Variants in SLC24A3 observed in about 807,000 individuals in gnomAD.
The protein encoded by SLC24A3 is sodium/potassium/calcium exchanger 3.
A neutral mutation model predicts 75.8 loss-of-function variants in SLC24A3; 28 were observed. The observed-to-expected ratio is 0.37, with a 90% confidence interval of 0.27 to 0.51. SLC24A3 has a LOEUF of 0.51. SLC24A3 is among the 20% of genes least tolerant of loss of function. The probability of loss-of-function intolerance (pLI) is 0.94; values close to 1 mark genes in which losing one functional copy is unlikely to be tolerated. For synonymous variants in SLC24A3, 372 were observed against 334.1 expected (o/e 1.11, Z -1.24); for missense variants, 663 against 847.8 (o/e 0.78, Z 2.71).
At chr20:19,492,086 A>G (rs543498393) in intron 2 of SLC24A3, among the ~76,000 whole-genome samples, 1 of 152,318 alleles carries the variant, frequency 6.6e-6, no homozygotes, top group East Asian at 1.9e-4. Context: ...GCAGATACCC[A>G]GGTTGTTCAC....
chr20:19,277,599 G>GT (rs1338965873), intron 1 of SLC24A3, among the ~76,000 whole-genome samples: 53 of 152,116 alleles, frequency 3.5e-4, no homozygotes, highest in African/African-American at 1.1e-3. Flanking sequence ...TCAGACTCTG[G>GT]TCTCTGTGTT....
At chr20:19,309,894 C>T (rs1259787057) in intron 2 of SLC24A3, among the ~76,000 whole-genome samples, 1 of 152,178 alleles carries the variant, frequency 6.6e-6, no homozygotes, top group East Asian at 1.9e-4. Context: ...TCCAAGCTTT[C>T]ACGCCCCAGG....
Position 19,479,113 on chromosome 20 carries a change from C to G in SLC24A3, c.272-36375C>G, listed in dbSNP as rs544979315. On this transcript the variant is annotated intron_variant, in intron 2 of 16. Coordinates refer to ENST00000328041, the MANE Select transcript of SLC24A3 (RefSeq NM_020689.4). Reference sequence around the variant, plus strand: ...GGCCCATGCCATGCTCAGTGACTGACTACCCCTAAGTTGAAAGATCAGTGC... The same window carrying G: ...GGCCCATGCCATGCTCAGTGACTGAGTACCCCTAAGTTGAAAGATCAGTGC... 2.9e-4 allele frequency among the ~76,000 whole-genome samples: 44 copies of G among 152,336 alleles called. No individual in the cohort carries two copies. The South Asian group carries it at 5.4e-3, about 19-fold the overall frequency.
intron 2 of SLC24A3, among the ~76,000 whole-genome samples, chr20:19,294,567 A>G (rs1248767378): frequency 1.3e-5 from 2 of 152,150 alleles, no homozygotes; most frequent in African/African-American, 2.4e-5. Flanking sequence ...TTTTCTGAGG[A>G]TAATGGCTTC....
intron 2 of SLC24A3, among the ~76,000 whole-genome samples, chr20:19,472,753 C>T (rs78494663): frequency 0.028 from 4,222 of 152,246 alleles, 213 homozygotes; most frequent in African/African-American, 0.094. Context: ...TCCCCACTAC[C>T]GTTGCCTGAA....
intron 6 of SLC24A3, among the ~76,000 whole-genome samples, chr20:19,599,091 T>C (rs867029468): frequency 6.6e-6 from 1 of 152,322 alleles, no homozygotes; most frequent in South Asian, 2.1e-4. Context: ...TTCTTCTTTC[T>C]TCATTGTACA....
intron 2 of SLC24A3, among the ~76,000 whole-genome samples, chr20:19,306,518 G>A (rs1027584524): frequency 6.6e-6 from 1 of 152,148 alleles, no homozygotes; most frequent in African/African-American, 2.4e-5. Flanking sequence ...TATTACACAG[G>A]CATAAAAAAG....
chr20:19,299,927 G>A (rs564617339), intron 2 of SLC24A3, among the ~76,000 whole-genome samples: 3 of 152,306 alleles, frequency 2.0e-5, no homozygotes, highest in South Asian at 4.1e-4. Flanking sequence ...AGCCAGGAAC[G>A]CTGTGGCCCT....
chr20:19,664,921 G>C (rs1044914927), intron 7 of SLC24A3, among the ~76,000 whole-genome samples: 2 of 152,160 alleles, frequency 1.3e-5, no homozygotes, highest in Non-Finnish European at 2.9e-5. Context: ...CTGAGTTCTC[G>C]AGCCAATTCT....
At chr20:19,579,940 GTTCATCTTCCTGGC>G (rs2031195495) in intron 3 of SLC24A3, 46 bp from the exon 4 acceptor site, 1 of 1,305,256 alleles carries the variant, frequency 7.7e-7, no homozygotes, top group Admixed American at 1.8e-5. Context: ...GTGGCTGGAC[GTTCATCTTCCTGGC>G]TCTGCCTCAC....
intron 2 of SLC24A3, among the ~76,000 whole-genome samples, chr20:19,381,707 C>T (rs543383209): frequency 6.6e-5 from 10 of 152,196 alleles, no homozygotes; most frequent in Admixed American, 1.3e-4. Flanking sequence ...TTATTCCAAC[C>T]TCCCAACTAC....
intron 6 of SLC24A3, among the ~76,000 whole-genome samples, chr20:19,642,892 C>T (rs1685349228): frequency 6.6e-6 from 1 of 152,170 alleles, no homozygotes. Context: ...TGATGTGGTA[C>T]TTTGTTTTAA....
intron 2 of SLC24A3, among the ~76,000 whole-genome samples, chr20:19,416,012 C>G (rs890710633): frequency 6.6e-6 from 1 of 152,158 alleles, no homozygotes; most frequent in Non-Finnish European, 1.5e-5. Context: ...TGCTTATTAG[C>G]TCTGTAAGTT....
intron 2 of SLC24A3, among the ~76,000 whole-genome samples, chr20:19,289,965 C>T (rs982137892): frequency 6.6e-6 from 1 of 152,164 alleles, no homozygotes; most frequent in Non-Finnish European, 1.5e-5. Flanking sequence ...TGTGTGTGGT[C>T]AGCCTTAGGT....
chr20:19,651,633 G>A (rs1397613923), intron 6 of SLC24A3, among the ~76,000 whole-genome samples: 1 of 151,944 alleles, frequency 6.6e-6, no homozygotes, highest in Non-Finnish European at 1.5e-5. Flanking sequence ...GCCGAGGCAG[G>A]TGGATCACAA....
At position 19,313,028 on chromosome 20, in the gene SLC24A3, C is replaced by CTT. The variant is rs747623530; in HGVS notation, c.271+31966_271+31967dup. Among the ~76,000 whole-genome samples, 73 of 68,324 alleles carry CTT rather than the reference C, an allele frequency of 1.1e-3. 8 individuals are homozygous for CTT. The highest frequency in any genetic ancestry group is 7.1e-3 in the East Asian group (11 of 1,556). The allele number at this position is 68,324 out of a possible 152,430, so 44.8% of individuals were successfully genotyped here. ...TTCAAGTATTCTTCCTTTTCTCTTG[C>CTT]TTTTTTTTTTTTTTTTTTTTTTTTT... On this transcript the variant is annotated intron_variant, in intron 2 of 16. Transcript: ENST00000328041.
chr20:19,646,781 G>T (rs2032142751), intron 6 of SLC24A3, among the ~76,000 whole-genome samples: 1 of 151,876 alleles, frequency 6.6e-6, no homozygotes, highest in South Asian at 2.1e-4. Flanking sequence ...TGAATTAGTG[G>T]TGCCTGCTTT....
At chr20:19,275,385 A>T (rs1258665178) in intron 1 of SLC24A3, among the ~76,000 whole-genome samples, 1 of 152,222 alleles carries the variant, frequency 6.6e-6, no homozygotes, top group Admixed American at 6.5e-5. Context: ...CTGATGATGC[A>T]GCAAACTTCC....
intron 2 of SLC24A3, among the ~76,000 whole-genome samples, chr20:19,452,265 A>G (rs955192320): frequency 1.4e-4 from 21 of 152,174 alleles, no homozygotes; most frequent in African/African-American, 4.3e-4. Flanking sequence ...ATCAAAATCT[A>G]CTATCTAGCC....
Sources: allele counts gnomAD v4.1 joint callset (sites outside exome capture counted in the v4.1 genomes callset), GRCh38; gene constraint gnomAD v4.1.1; transcripts MANE v1.5; gene names NCBI Gene and HGNC (gene_info 2026-07-23, HGNC 2026-07-21).